The following KAT6B variants were observed in gnomAD, a reference collection of about 807,000 sequenced individuals.
KAT6B encodes the protein lysine acetyltransferase 6B, also known as histone acetyltransferase KAT6B.
Under a neutral mutation model 187.5 loss-of-function variants are expected in KAT6B, and 10 were observed. The observed-to-expected ratio is 0.05, with a 90% CI of 0.03 to 0.09. KAT6B has a LOEUF of 0.09. Among genes scored for constraint, KAT6B ranks in the 10% least tolerant of loss-of-function variants. The pLI is 1.00. For synonymous variants in KAT6B, 861 were observed against 926.8 expected, an observed-to-expected ratio of 0.93 and a Z score of 1.29; for missense variants, 1,952 against 2,558.9, an observed-to-expected ratio of 0.76 and a Z score of 5.12.
intron 13 of KAT6B, among the ~76,000 whole-genome samples, chr10:74,997,143 C>T (rs1484468993): frequency 6.6e-6 from 1 of 152,098 alleles, no homozygotes; most frequent in African/African-American, 2.4e-5. Context: ...AGGAGACTCA[C>T]TTGAGCCCAG....
intron 12 of KAT6B, among the ~76,000 whole-genome samples, chr10:74,987,015 C>T (rs1038381816): frequency 2.6e-5 from 4 of 152,172 alleles, no homozygotes; most frequent in Non-Finnish European, 4.4e-5. Flanking sequence ...TCAGAACTAG[C>T]TCAACTTTTC....
intron 3 of KAT6B, among the ~76,000 whole-genome samples, chr10:74,870,583 T>C (rs1225490906): frequency 2.0e-5 from 3 of 152,162 alleles, no homozygotes; most frequent in Admixed American, 1.3e-4. Flanking sequence ...TTGAAAGAGT[T>C]TTTTTTTCTT....
chr10:75,023,231 A>G (rs1375047385), intron 16 of KAT6B, among the ~76,000 whole-genome samples: 1 of 152,230 alleles, frequency 6.6e-6, no homozygotes, highest in Non-Finnish European at 1.5e-5. Context: ...GCCAAGACTG[A>G]TAGAGATATC....
chr10:75,027,108 C>T (rs548645414), intron 17 of KAT6B, among the ~76,000 whole-genome samples: 8 of 152,268 alleles, frequency 5.3e-5, no homozygotes, highest in African/African-American at 1.9e-4. Context: ...CACTGCACTC[C>T]AGCCTGGGCA....
At chr10:74,992,190 T>C (rs1843159731) in intron 13 of KAT6B, among the ~76,000 whole-genome samples, 1 of 152,110 alleles carries the variant, frequency 6.6e-6, no homozygotes, top group Admixed American at 6.6e-5. Context: ...GGTAGATCTT[T>C]ATAATTGCCA....
chr10:74,970,089 A>G lies in KAT6B; in HGVS notation c.916A>G (p.Arg306Gly). ...HMECCDPPLS[R>G]MPKGMWICQV... ...GGAATGCTGTGACCCACCACTTTCC[A>G]GAATGCCAAAAGGTGAACTTCTAAA... The change falls in exon 6 of 18, where the codon AGA (arginine) becomes GGA (glycine). Residue 306 changes from arginine to glycine, a missense_variant. By Grantham distance (125) the Arg-to-Gly change is moderately radical. Transcript: ENST00000287239. The G allele has an allele frequency of 6.2e-7, 1 of 1,610,542 alleles. No individual in the cohort carries two copies. The highest frequency in any genetic ancestry group is 8.5e-7 in the Non-Finnish European group (1 of 1,176,772).
intron 1 of KAT6B, among the ~76,000 whole-genome samples, chr10:74,836,385 A>G (rs1219222867): frequency 6.6e-6 from 1 of 152,214 alleles, no homozygotes; most frequent in Non-Finnish European, 1.5e-5. Flanking sequence ...TTTTTGAGGA[A>G]CCGCCAAACA....
chr10:74,876,187 G>A (rs1275695242), intron 3 of KAT6B, among the ~76,000 whole-genome samples: 1 of 152,150 alleles, frequency 6.6e-6, no homozygotes, highest in Non-Finnish European at 1.5e-5. Flanking sequence ...CTCTGAAATT[G>A]TAAATGTATC....
intron 3 of KAT6B, among the ~76,000 whole-genome samples, chr10:74,903,119 G>C (rs931577754): frequency 9.2e-5 from 14 of 152,176 alleles, no homozygotes; most frequent in Non-Finnish European, 2.1e-4. Context: ...TATATGAAGG[G>C]TCTCCTGTAG....
rs533439003 is a variant in KAT6B at position 74,899,418 on chromosome 10, C to T, written c.621+55940C>T. 2.1e-3 allele frequency among the ~76,000 whole-genome samples: 318 copies of T among 151,532 alleles called. 1 individual carries two copies. The highest frequency in any genetic ancestry group is 7.2e-3 in the African/African-American group (299 of 41,348). ...CCTCCCCAGTAGCTGGGATTACAGG[C>T]GCCTGCCACCATGCCTGGCTAATTT... On this transcript the variant is annotated intron_variant, in intron 3 of 17. Transcript: ENST00000287239.
At chr10:74,880,954 C>T (rs1844811264) in intron 3 of KAT6B, among the ~76,000 whole-genome samples, 1 of 144,512 alleles carries the variant, frequency 6.9e-6, no homozygotes, top group African/African-American at 2.7e-5. Flanking sequence ...GACGGACTCT[C>T]ACTCTGTCTT....
chr10:74,914,671 A>G (rs1005330657), intron 3 of KAT6B, among the ~76,000 whole-genome samples: 4 of 152,246 alleles, frequency 2.6e-5, no homozygotes, highest in African/African-American at 9.6e-5. Flanking sequence ...AGGGCTGCAT[A>G]GTTAGGATAT....
intron 13 of KAT6B, among the ~76,000 whole-genome samples, chr10:75,011,332 T>A (rs947751122): frequency 1.3e-5 from 2 of 152,200 alleles, no homozygotes; most frequent in African/African-American, 4.8e-5. Context: ...TGGTTTGAAC[T>A]GTGGAAAACT....
chr10:74,955,535 A>ACT (rs921412813), intron 3 of KAT6B, among the ~76,000 whole-genome samples: 1 of 149,102 alleles, frequency 6.7e-6, no homozygotes, highest in Non-Finnish European at 1.5e-5. Context: ...TGTCATGTTT[A>ACT]CTCTCTCTCT....
In KAT6B at chr10:75,020,682, C is replaced by A. The variant is rs1845330653; in HGVS notation, c.2730C>A (p.Ile910=). ...ACCTGGCATATTGGAAGAGCGTCATCTTGGAGTATCTCTACCACCACCATG... is the reference window on the plus strand; with the variant it reads ...ACCTGGCATATTGGAAGAGCGTCATATTGGAGTATCTCTACCACCACCATG... ...LSYLAYWKSV[I]LEYLYHHHER... Residue 910 remains isoleucine (I), a synonymous_variant, in exon 14 of 18, where the codon ATC becomes ATA. Transcript: ENST00000287239. 2 of 1,613,076 alleles carry A rather than the reference C, an allele frequency of 1.2e-6. No individual in the cohort carries two copies. Among genetic ancestry groups the A allele is most frequent in the African/African-American group, 1.3e-5 (1 of 74,596 alleles).
chr10:74,961,447 G>A (rs867359444), intron 4 of KAT6B, among the ~76,000 whole-genome samples: 2 of 152,056 alleles, frequency 1.3e-5, no homozygotes, highest in South Asian at 2.1e-4. Context: ...TATTTCTTTA[G>A]GATCTATTTG....
At chr10:74,836,121 A>G (rs1472440602) in intron 1 of KAT6B, among the ~76,000 whole-genome samples, 1 of 152,252 alleles carries the variant, frequency 6.6e-6, no homozygotes, top group Non-Finnish European at 1.5e-5. Context: ...TTTGAGGTCC[A>G]TCTACATTGT....
In KAT6B at chr10:75,022,396, T is replaced by C. The variant is rs186733253; in HGVS notation, c.3372+165T>C. ...ATCATAATCGTTTATCTCACAGTCA[T>C]GATTATGTTTACTTTTCAGGTTTGT... On this transcript the variant is annotated intron_variant, in intron 16 of 17. Transcript: ENST00000287239. Among the ~76,000 whole-genome samples, 9 of 152,334 alleles carry C rather than the reference T, an allele frequency of 5.9e-5. No homozygotes were observed. In the East Asian group the frequency reaches 1.7e-3, roughly 29 times the overall value.
intron 13 of KAT6B, among the ~76,000 whole-genome samples, chr10:75,005,609 A>C (rs1397384142): frequency 6.6e-6 from 1 of 152,118 alleles, no homozygotes; most frequent in Non-Finnish European, 1.5e-5. Context: ...GTTTGTTTTT[A>C]AATATAATTT....
Sources: allele counts gnomAD v4.1 joint callset (sites outside exome capture counted in the v4.1 genomes callset), GRCh38; gene constraint gnomAD v4.1.1; transcripts MANE v1.5; gene names NCBI Gene and HGNC (gene_info 2026-07-23, HGNC 2026-07-21).